FAM120A: variants seen among roughly 807,000 people sequenced by gnomAD.
The protein encoded by FAM120A is constitutive coactivator of PPAR-gamma-like protein 1.
Under a neutral mutation model 109.7 loss-of-function variants are expected in FAM120A, and 15 were observed. The ratio of observed to expected loss-of-function variants is 0.14; its 90% confidence interval spans 0.09 to 0.21. The LOEUF is 0.21. FAM120A is among the 10% of genes least tolerant of loss of function. The pLI, the probability that FAM120A is intolerant of heterozygous loss-of-function variation, is 1.00. For missense variants in FAM120A, 899 were observed against 1,439.3 expected (o/e 0.62, Z 6.07); for synonymous variants, 493 against 572.8 (o/e 0.86, Z 1.99).
intron 12 of FAM120A, among the ~76,000 whole-genome samples, chr9:93,554,936 G>A (rs931774635): frequency 6.6e-6 from 1 of 152,200 alleles, no homozygotes; most frequent in African/African-American, 2.4e-5. Context: ...AAGGGGCCAG[G>A]AGATGGGTGT....
chr9:93,486,816 G>A (rs1458053726), intron 3 of FAM120A, among the ~76,000 whole-genome samples: 1 of 152,180 alleles, frequency 6.6e-6, no homozygotes, highest in Non-Finnish European at 1.5e-5. Flanking sequence ...TTACAGGCAT[G>A]AGCCACTGTA....
At chr9:93,463,143 G>A (rs1718641328) in intron 1 of FAM120A, among the ~76,000 whole-genome samples, 1 of 152,110 alleles carries the variant, frequency 6.6e-6, no homozygotes, top group South Asian at 2.1e-4. Context: ...AATGCACAAG[G>A]AATCTGTTTT....
At chr9:93,468,176 G>A (rs974892087) in intron 1 of FAM120A, among the ~76,000 whole-genome samples, 2 of 152,144 alleles carry the variant, frequency 1.3e-5, no homozygotes, top group Non-Finnish European at 1.5e-5. Flanking sequence ...GAGCCACTGC[G>A]CCCGGCTACC....
At chr9:93,553,796 A>G (rs559443625) in intron 12 of FAM120A, among the ~76,000 whole-genome samples, 74 of 152,238 alleles carry the variant, frequency 4.9e-4, no homozygotes, top group African/African-American at 1.3e-3. Flanking sequence ...CCTGCATTCT[A>G]TGTTGTTTAG....
intron 5 of FAM120A, among the ~76,000 whole-genome samples, chr9:93,512,396 G>A (rs1290493339): frequency 6.6e-6 from 1 of 152,206 alleles, no homozygotes; most frequent in African/African-American, 2.4e-5. Flanking sequence ...ACAGCCGAGG[G>A]ATTGCAGTGC....
rs1221455230 is a variant in FAM120A at position 93,452,691 on chromosome 9, T to C, written c.474+302T>C. On this transcript the variant is annotated intron_variant, in intron 1 of 17. Transcript: ENST00000277165. The surrounding 1 kb of genome is among the most constrained non-coding windows in gnomAD (Gnocchi z 7.0). ...GAGGCGACAGTGTCATCATCCCCAA[T>C]ATCCTTAGTTTTTCCCATCCTATTT... The C allele has an allele frequency of 6.3e-7, 1 of 1,598,490 alleles. No homozygotes were observed. Among genetic ancestry groups the C allele is most frequent in the Non-Finnish European group, 8.5e-7 (1 of 1,179,884 alleles).
chr9:93,452,608 G>C lies in FAM120A; in HGVS notation c.474+219G>C. 1 of 1,599,088 alleles carries C rather than the reference G, an allele frequency of 6.3e-7. No individual in the cohort carries two copies. Among genetic ancestry groups the C allele is most frequent in the Non-Finnish European group, 8.5e-7 (1 of 1,179,740 alleles). ...CCCGTCTCCAGCTGTCCCTGTTCGGGGTCCGCGGCCGCGTGGGGACACTTG... is the reference window on the plus strand; with the variant it reads ...CCCGTCTCCAGCTGTCCCTGTTCGGCGTCCGCGGCCGCGTGGGGACACTTG... On this transcript the variant is annotated intron_variant, in intron 1 of 17. Coordinates refer to ENST00000277165, the MANE Select transcript of FAM120A (RefSeq NM_014612.5). This position sits in a 1 kb window ranked among gnomAD's most constrained non-coding sequence, Gnocchi z 7.0.
intron 5 of FAM120A, among the ~76,000 whole-genome samples, chr9:93,511,177 C>T (rs1485119285): frequency 6.6e-6 from 1 of 152,132 alleles, no homozygotes; most frequent in Non-Finnish European, 1.5e-5. Context: ...TGTGCCTGTT[C>T]ACTGAGTTCA....
At chr9:93,464,466 G>T (rs1203463266) in intron 1 of FAM120A, among the ~76,000 whole-genome samples, 1 of 152,180 alleles carries the variant, frequency 6.6e-6, no homozygotes, top group Non-Finnish European at 1.5e-5. Context: ...TGGGGAGGGG[G>T]TAGACAGGGA....
At chr9:93,540,091 A>G (rs1372524454) in intron 10 of FAM120A, among the ~76,000 whole-genome samples, 1 of 152,142 alleles carries the variant, frequency 6.6e-6, no homozygotes, top group African/African-American at 2.4e-5. Context: ...GTTAGGTGTC[A>G]CCTCTCATCT....
At chr9:93,527,331 C>A (rs1861128215) in intron 8 of FAM120A, 89 bp downstream of exon 8, 5 of 957,286 alleles carry the variant, frequency 5.2e-6, no homozygotes, top group South Asian at 2.8e-5. Flanking sequence ...AAAATAATAT[C>A]TCTCTCTTTT....
intron 3 of FAM120A, among the ~76,000 whole-genome samples, chr9:93,492,977 C>A (rs1301141788): frequency 6.6e-6 from 1 of 152,158 alleles, no homozygotes; most frequent in African/African-American, 2.4e-5. Flanking sequence ...ATGGGCTGCA[C>A]ATGCCCCTGG....
intron 11 of FAM120A, among the ~76,000 whole-genome samples, chr9:93,544,639 T>C (rs934143871): frequency 1.3e-5 from 2 of 152,254 alleles, no homozygotes; most frequent in African/African-American, 4.8e-5. Flanking sequence ...GGCATTTTAC[T>C]TTATAACCAC....
chr9:93,564,860 A>C lies in FAM120A; in HGVS notation c.*320A>C. On this transcript the variant is annotated 3_prime_UTR_variant, in exon 18 of 18. Transcript: ENST00000277165. ...TTTAGTTGTGTTTCTTGAACTATAA[A>C]GAAAACAAATTTTGGCAGTCTTTAA... 1 of 220,020 alleles carries C rather than the reference A, an allele frequency of 4.5e-6. No individual in the cohort carries two copies. The highest frequency in any genetic ancestry group is 8.9e-6 in the Non-Finnish European group (1 of 112,266). 13.6% of individuals were successfully genotyped at this position (220,020 alleles called of 1,614,324 possible).
chr9:93,477,120 A>G (rs1002284340), intron 3 of FAM120A, among the ~76,000 whole-genome samples: 1 of 152,214 alleles, frequency 6.6e-6, no homozygotes, highest in Non-Finnish European at 1.5e-5. Flanking sequence ...TCCTTACAGT[A>G]AAGAGTGGCG....
At chr9:93,507,226 G>A (rs955936353) in intron 5 of FAM120A, among the ~76,000 whole-genome samples, 1 of 152,128 alleles carries the variant, frequency 6.6e-6, no homozygotes, top group African/African-American at 2.4e-5. Context: ...AGGCAGGAGT[G>A]CTGGGTGGAT....
chr9:93,519,567 G>A (rs1860754470), intron 7 of FAM120A, among the ~76,000 whole-genome samples: 2 of 152,140 alleles, frequency 1.3e-5, no homozygotes, highest in Admixed American at 6.5e-5. Flanking sequence ...TTTCTAGACT[G>A]TAAAATAGCG....
At chr9:93,489,555 A>G (rs1859220563) in intron 3 of FAM120A, among the ~76,000 whole-genome samples, 1 of 152,240 alleles carries the variant, frequency 6.6e-6, no homozygotes, top group South Asian at 2.1e-4. Context: ...AATGGGATGA[A>G]GAACTTTTCT....
In FAM120A at chr9:93,452,499, T is replaced by A. The variant is rs756879211; in HGVS notation, c.474+110T>A. ...CCGTGGCGGCGCTGGGGGCAGCGAG[T>A]TCCCCCAGCCCTTGCCCGGGATAGC... On this transcript the variant is annotated intron_variant, in intron 1 of 17. Transcript: ENST00000277165. The surrounding 1 kb of genome is among the most constrained non-coding windows in gnomAD (Gnocchi z 7.0). 6 of 1,545,808 alleles carry A rather than the reference T, an allele frequency of 3.9e-6. No homozygotes were observed. The highest frequency in any genetic ancestry group is 5.2e-6 in the Non-Finnish European group (6 of 1,150,726).
Sources: gnomAD v4.1 joint callset for allele counts (sites outside exome capture counted in the v4.1 genomes callset) on GRCh38, gnomAD v4.1.1 for gene constraint, Gnocchi (gnomAD v3.1) non-coding constraint, MANE v1.5 for transcripts, NCBI Gene and HGNC (gene_info 2026-07-23, HGNC 2026-07-21) for gene names.